CCDC171: variants seen among roughly 807,000 people sequenced by gnomAD.
The protein encoded by CCDC171 is coiled-coil domain containing 171, also known as coiled-coil domain-containing protein 171.
A neutral mutation model predicts 168.2 loss-of-function variants in CCDC171; 177 were observed. The ratio of observed to expected loss-of-function variants is 1.05; its 90% confidence interval spans 0.93 to 1.19. CCDC171 has a LOEUF of 1.19. CCDC171 is among the 50% of genes most tolerant of loss of function. The probability of loss-of-function intolerance (pLI) is 0.00; values close to 1 mark genes in which losing one functional copy is unlikely to be tolerated. For synonymous variants in CCDC171, 687 were observed against 540.8 expected, an observed-to-expected ratio of 1.27 and a Z score of -3.75; for missense variants, 1,991 against 1,539.0, an observed-to-expected ratio of 1.29 and a Z score of -4.91.
chr9:15,890,819 A>G (rs1438552433), intron 24 of CCDC171, among the ~76,000 whole-genome samples: 3 of 152,156 alleles, frequency 2.0e-5, no homozygotes, highest in African/African-American at 7.2e-5. Flanking sequence ...AACATACTTC[A>G]ATGAATTTTG....
intron 18 of CCDC171, among the ~76,000 whole-genome samples, chr9:15,773,177 A>G (rs1163549026): frequency 6.6e-6 from 1 of 152,142 alleles, no homozygotes; most frequent in Non-Finnish European, 1.5e-5. Context: ...CTTCCACATA[A>G]TAGATGTATT....
Position 15,664,338 on chromosome 9 carries a change from TC to T in CCDC171, c.916-1821del, listed in dbSNP as rs553335869. Reference sequence around the variant, plus strand: ...ATCTTGGCTCACTACAGCCTTGACTTCCCCAGCTCAAGTGATCTGCCCGCCT... The same window carrying T: ...ATCTTGGCTCACTACAGCCTTGACTTCCCAGCTCAAGTGATCTGCCCGCCT... On this transcript the variant is annotated intron_variant, in intron 8 of 25. Coordinates refer to ENST00000380701, the MANE Select transcript of CCDC171 (RefSeq NM_173550.4). Among the ~76,000 whole-genome samples the T allele has an allele frequency of 2.6e-4, 40 of 152,092 alleles. No individual in the cohort carries two copies. In the East Asian group the frequency reaches 7.7e-3, roughly 29 times the overall value.
chr9:15,686,009 C>G (rs563452770), intron 10 of CCDC171, among the ~76,000 whole-genome samples: 13 of 151,996 alleles, frequency 8.6e-5, no homozygotes, highest in African/African-American at 2.9e-4. Context: ...TCTTTTCTGC[C>G]TAATTTGACC....
At chr9:15,672,605 G>A (rs943067069) in intron 9 of CCDC171, among the ~76,000 whole-genome samples, 1 of 152,158 alleles carries the variant, frequency 6.6e-6, no homozygotes, top group African/African-American at 2.4e-5. Context: ...TATTAAATAG[G>A]GAATCCTTTC....
At chr9:16,102,803 G>A in the CCDC171 span, among the ~76,000 whole-genome samples, 1 of 152,164 alleles carries the variant, frequency 6.6e-6, no homozygotes, top group East Asian at 1.9e-4. Context: ...CAGTCAGCAT[G>A]GAGAGCTTCT....
At chr9:15,913,194 C>T (rs1446899861) in intron 24 of CCDC171, among the ~76,000 whole-genome samples, 4 of 151,884 alleles carry the variant, frequency 2.6e-5, no homozygotes, top group Non-Finnish European at 5.9e-5. Context: ...TAATTACTGC[C>T]TCAATTTCAG....
chr9:15,651,760 C>A (rs974068759), intron 7 of CCDC171, among the ~76,000 whole-genome samples: 1 of 151,986 alleles, frequency 6.6e-6, no homozygotes, highest in Non-Finnish European at 1.5e-5. Flanking sequence ...TTGATGGACA[C>A]CTAGGTTGAT....
intron 9 of CCDC171, among the ~76,000 whole-genome samples, chr9:15,671,686 G>C (rs1054291043): frequency 8.4e-6 from 1 of 119,268 alleles, no homozygotes; most frequent in Non-Finnish European, 1.8e-5. Flanking sequence ...AAGGACGTGA[G>C]CTCATCCTTT....
chr9:15,915,364 GT>G (rs71325949), intron 24 of CCDC171, among the ~76,000 whole-genome samples: 6 of 150,278 alleles, frequency 4.0e-5, no homozygotes, highest in African/African-American at 1.2e-4. Context: ...TATTCCTAGT[GT>G]TTTTTTTTAT....
Position 16,048,107 on chromosome 9 carries a change from T to C in CCDC171, n.89+5221T>C, listed in dbSNP as rs139318305. ...AAGGGTTTTGAGTCAAAGCACCAAG[T>C]GACTTGTCAAGTTTTGACATTGGCT... On this transcript the variant is annotated intron_variant and non_coding_transcript_variant, in intron 1 of 1. Coordinates refer to the CCDC171 transcript ENST00000478913. 2.4e-3 allele frequency among the ~76,000 whole-genome samples: 366 copies of C among 152,334 alleles called. 1 individual carries two copies. Among genetic ancestry groups the C allele is most frequent in the African/African-American group, 8.3e-3 (345 of 41,578 alleles).
At chr9:15,692,254 G>C (rs1023665403) in intron 10 of CCDC171, among the ~76,000 whole-genome samples, 1 of 151,806 alleles carries the variant, frequency 6.6e-6, no homozygotes, top group Non-Finnish European at 1.5e-5. Context: ...CACACCTGTA[G>C]TCTCAGCTCT....
At chr9:15,553,875 A>G in intron 1 of CCDC171, among the ~76,000 whole-genome samples, 1 of 151,272 alleles carries the variant, frequency 6.6e-6, no homozygotes, top group East Asian at 1.9e-4. Flanking sequence ...CTAAGAAAAT[A>G]CATATTTCAT....
chr9:15,826,665 G>C (rs774768174), intron 21 of CCDC171, among the ~76,000 whole-genome samples: 4 of 152,138 alleles, frequency 2.6e-5, no homozygotes, highest in Non-Finnish European at 4.4e-5. Flanking sequence ...CAACAAGCTA[G>C]CATCTCATGC....
intron 7 of CCDC171, among the ~76,000 whole-genome samples, chr9:15,643,569 T>C (rs1013931308): frequency 6.6e-6 from 1 of 152,022 alleles, no homozygotes; most frequent in Non-Finnish European, 1.5e-5. Context: ...AATTGAGATA[T>C]ACTTCACATA....
chr9:15,564,120 A>T lies in CCDC171; in HGVS notation c.32A>T (p.Asp11Val), dbSNP rs1181626424. Reference sequence around the variant, plus strand: ...TTGAATACTTCAAGTAATACTGGTGATACCCAAAGGTAAGCCTCTAGTCTC... The same window carrying T: ...TTGAATACTTCAAGTAATACTGGTGTTACCCAAAGGTAAGCCTCTAGTCTC... MNLNTSSNTGDTQRLKIASLD... is the reference protein window; with the variant it reads MNLNTSSNTGVTQRLKIASLD... Residue 11 changes from aspartate (D) to valine (V), a missense_variant, in exon 2 of 26, where the codon GAT (aspartate) becomes GTT (valine). By Grantham distance (152) the Asp-to-Val change is radical. Coordinates refer to ENST00000380701, the MANE Select transcript of CCDC171 (RefSeq NM_173550.4). 2 of 1,608,740 alleles carry T rather than the reference A, an allele frequency of 1.2e-6. No homozygotes were observed. The highest frequency in any genetic ancestry group is 2.2e-5 in the East Asian group (1 of 44,746).
chr9:15,794,692 A>T (rs1285380420), intron 21 of CCDC171, among the ~76,000 whole-genome samples: 1 of 152,174 alleles, frequency 6.6e-6, no homozygotes, highest in Admixed American at 6.5e-5. Flanking sequence ...CCAAAGAACA[A>T]CATGTGATAC....
chr9:15,988,647 A>G (rs1045236036), intron 3 of CCDC171, among the ~76,000 whole-genome samples: 1 of 152,232 alleles, frequency 6.6e-6, no homozygotes, highest in African/African-American at 2.4e-5. Flanking sequence ...TCACCCGGGA[A>G]GCACAAGGGC....
At chr9:15,653,973 C>T (rs1039205624) in intron 7 of CCDC171, among the ~76,000 whole-genome samples, 5 of 152,100 alleles carry the variant, frequency 3.3e-5, no homozygotes, top group South Asian at 2.1e-4. Context: ...TCCTTAGTTA[C>T]ATCAGATATC....
At chr9:15,631,043 G>A (rs1465476389) in intron 7 of CCDC171, among the ~76,000 whole-genome samples, 1 of 151,930 alleles carries the variant, frequency 6.6e-6, no homozygotes, top group Non-Finnish European at 1.5e-5. Flanking sequence ...GAAATTTATA[G>A]CACTAAATGC....
Sources: gnomAD v4.1 joint callset for allele counts (sites outside exome capture counted in the v4.1 genomes callset) on GRCh38, gnomAD v4.1.1 for gene constraint, MANE v1.5 for transcripts, NCBI Gene and HGNC (gene_info 2026-07-23, HGNC 2026-07-21) for gene names.